IQCH: variants seen among roughly 807,000 people sequenced by gnomAD.
The protein encoded by IQCH is IQ motif containing H.
In IQCH, 98 loss-of-function variants were observed where a neutral mutation model predicts 117.0. The ratio of observed to expected loss-of-function variants is 0.84; its 90% CI spans 0.71 to 0.99. The LOEUF (loss-of-function observed/expected upper bound fraction) is 0.99, where lower values mean the gene tolerates loss of function less well. Ranked by LOEUF, IQCH falls within the 50% of genes least tolerant of loss-of-function variation. The pLI, the probability that IQCH is intolerant of heterozygous loss-of-function variation, is 0.00. For missense variants in IQCH, 1,102 were observed against 1,243.8 expected (o/e 0.89, Z 1.72); for synonymous variants, 412 against 448.2 (o/e 0.92, Z 1.02).
intron 7 of IQCH, among the ~76,000 whole-genome samples, chr15:67,358,207 C>CTCTTTTTTTTTTTT (rs768931234): frequency 9.6e-5 from 1 of 10,450 alleles, no homozygotes; most frequent in Non-Finnish European, 1.7e-4. Context: ...ACTTTCTTTT[C>CTCTTTTTTTTTTTT]TTTTTTTTTT....
At chr15:67,452,966 TCATTC>T (rs1387854499) in intron 16 of IQCH, among the ~76,000 whole-genome samples, 3 of 152,372 alleles carry the variant, frequency 2.0e-5, no homozygotes, top group African/African-American at 7.2e-5. Flanking sequence ...TCGCTTCATT[TCATTC>T]ATTTCATCTT....
At chr15:67,289,178 G>C (rs1966671232) in intron 4 of IQCH, among the ~76,000 whole-genome samples, 1 of 152,116 alleles carries the variant, frequency 6.6e-6, no homozygotes, top group South Asian at 2.1e-4. Flanking sequence ...GAAAGAGTTT[G>C]AATTTACATT....
At chr15:67,444,144 T>G (rs927919829) in intron 16 of IQCH, among the ~76,000 whole-genome samples, 3 of 152,362 alleles carry the variant, frequency 2.0e-5, no homozygotes, top group African/African-American at 7.2e-5. Flanking sequence ...CTCAATATGC[T>G]TGTTGAATTG....
At chr15:67,307,985 A>C (rs1437639986) in intron 4 of IQCH, among the ~76,000 whole-genome samples, 1 of 152,182 alleles carries the variant, frequency 6.6e-6, no homozygotes, top group African/African-American at 2.4e-5. Flanking sequence ...TGAGGCAGAC[A>C]AAGCTGCTTC....
chr15:67,389,099 G>A, intron 12 of IQCH, 93 bp downstream of exon 12: 1 of 941,126 alleles, frequency 1.1e-6, no homozygotes, highest in Non-Finnish European at 1.6e-6. Context: ...ACACATCAGT[G>A]AAATATTATT....
chr15:67,426,045 T>C lies in IQCH; in HGVS notation c.2505+4468T>C, dbSNP rs2081882078. On this transcript the variant is annotated intron_variant, in intron 16 of 20. Coordinates refer to ENST00000335894, the MANE Select transcript of IQCH (RefSeq NM_001031715.3). This position sits in a 1 kb window ranked among gnomAD's most constrained non-coding sequence, Gnocchi z 5.1. ...ACATGTCCTCATCATTCTTTGAGCA[T>C]GTCTTACTTTCTGACACAATAAGAT... Among the ~76,000 whole-genome samples the C allele has an allele frequency of 6.6e-6, 1 of 152,322 alleles. No homozygotes were observed. The highest frequency in any genetic ancestry group is 2.4e-5 in the African/African-American group (1 of 41,566).
At chr15:67,320,906 A>G (rs1968087415) in intron 4 of IQCH, among the ~76,000 whole-genome samples, 1 of 152,210 alleles carries the variant, frequency 6.6e-6, no homozygotes, top group Non-Finnish European at 1.5e-5. Flanking sequence ...CCATTAAGCC[A>G]CCTGGAGTCA....
At chr15:67,352,361 T>G (rs1969699626) in intron 6 of IQCH, among the ~76,000 whole-genome samples, 1 of 152,106 alleles carries the variant, frequency 6.6e-6, no homozygotes, top group Admixed American at 6.6e-5. Context: ...GTAATCAGAA[T>G]TTGTTATATT....
intron 3 of IQCH, among the ~76,000 whole-genome samples, chr15:67,273,144 C>T (rs931775555): frequency 2.0e-5 from 3 of 152,124 alleles, no homozygotes; most frequent in Non-Finnish European, 4.4e-5. Flanking sequence ...AATCTCGGCT[C>T]ACTGCAACCT....
chr15:67,489,102 C>T (rs1177677238), intron 18 of IQCH, among the ~76,000 whole-genome samples: 1 of 151,296 alleles, frequency 6.6e-6, no homozygotes, highest in Non-Finnish European at 1.5e-5. Context: ...GGCGTGATCT[C>T]GGCTCACTGC....
chr15:67,418,511 T>TA (rs2081634107), intron 15 of IQCH, among the ~76,000 whole-genome samples: 1 of 28,284 alleles, frequency 3.5e-5, no homozygotes, highest in South Asian at 1.1e-3. Flanking sequence ...ATCAAGTGGC[T>TA]ACCACACACA....
chr15:67,269,279 C>T (rs1313402629), intron 3 of IQCH, among the ~76,000 whole-genome samples: 1 of 152,096 alleles, frequency 6.6e-6, no homozygotes, highest in African/African-American at 2.4e-5. Context: ...AATGAAGGTA[C>T]AGCAAAATGG....
At chr15:67,306,998 C>T (rs1384543678) in intron 4 of IQCH, 3 of 1,352,738 alleles carry the variant, frequency 2.2e-6, no homozygotes, top group South Asian at 2.0e-5. Flanking sequence ...AGGCTTGAAA[C>T]ATGTATCTGT....
chr15:67,284,034 C>G (rs1966466222), intron 4 of IQCH, among the ~76,000 whole-genome samples: 1 of 152,044 alleles, frequency 6.6e-6, no homozygotes, highest in African/African-American at 2.4e-5. Flanking sequence ...TGCATTTATC[C>G]TTTGTGTTAC....
chr15:67,283,983 T>TA (rs1486949407), intron 4 of IQCH, among the ~76,000 whole-genome samples: 2 of 152,206 alleles, frequency 1.3e-5, no homozygotes, highest in Admixed American at 6.5e-5. Flanking sequence ...CAATGCATGA[T>TA]AATCACATCA....
chr15:67,338,298 A>G (rs1261568745), intron 5 of IQCH, among the ~76,000 whole-genome samples: 1 of 152,158 alleles, frequency 6.6e-6, no homozygotes, highest in African/African-American at 2.4e-5. Context: ...CACAAAATAA[A>G]AGTAAATGTA....
intron 18 of IQCH, among the ~76,000 whole-genome samples, chr15:67,485,151 A>G (rs2083441107): frequency 6.6e-6 from 1 of 152,164 alleles, no homozygotes; most frequent in African/African-American, 2.4e-5. Context: ...AAAGACAGGG[A>G]CTTTAAAATA....
chr15:67,306,802 A>G (rs1967320510), intron 4 of IQCH: 3 of 1,508,606 alleles, frequency 2.0e-6, no homozygotes, highest in Non-Finnish European at 2.7e-6. Context: ...ATAGTAACAA[A>G]CAACCTTCTA....
chr15:67,440,066 G>A (rs910792778), intron 16 of IQCH, among the ~76,000 whole-genome samples: 1 of 152,004 alleles, frequency 6.6e-6, no homozygotes, highest in African/African-American at 2.4e-5. Flanking sequence ...AAAGACAAAA[G>A]ATCATTGAAG....
Sources: gnomAD v4.1 joint callset for allele counts (sites outside exome capture counted in the v4.1 genomes callset) on GRCh38, gnomAD v4.1.1 for gene constraint, Gnocchi (gnomAD v3.1) non-coding constraint, MANE v1.5 for transcripts, NCBI Gene and HGNC (gene_info 2026-07-23, HGNC 2026-07-21) for gene names.